R3HDM1: variants seen among roughly 807,000 people sequenced by gnomAD.
R3HDM1 encodes R3H domain-containing protein 1.
In R3HDM1, 46 loss-of-function variants were observed where a neutral mutation model predicts 141.1. The observed-to-expected ratio is 0.33, with a 90% CI of 0.26 to 0.42. R3HDM1 has a LOEUF of 0.42. R3HDM1 is among the 10% of genes least tolerant of loss of function. R3HDM1 has a pLI of 1.00. For missense variants in R3HDM1, 1,184 were observed against 1,368.3 expected (o/e 0.87, Z 2.12); for synonymous variants, 435 against 472.9 (o/e 0.92, Z 1.04).
chr2:135,699,919 A>G (rs1394688447), intron 21 of R3HDM1, among the ~76,000 whole-genome samples: 1 of 152,224 alleles, frequency 6.6e-6, no homozygotes, highest in Non-Finnish European at 1.5e-5. Context: ...GGCAACTTGA[A>G]CACAAAAAGT....
chr2:135,616,015 T>C lies in R3HDM1; in HGVS notation c.172-137T>C, dbSNP rs562286431. Reference sequence around the variant, plus strand: ...CTTCTGGGAGGAATCAGTACTCCTTTACTGAAACCAACTTTGATTTCCTCA... The same window carrying C: ...CTTCTGGGAGGAATCAGTACTCCTTCACTGAAACCAACTTTGATTTCCTCA... On this transcript the variant is annotated intron_variant, in intron 3 of 26. Transcript: ENST00000683871. The C allele has an allele frequency of 1.2e-5, 9 of 720,540 alleles. No homozygotes were observed. In the South Asian group the frequency reaches 1.8e-4, roughly 14 times the overall value. The allele number at this position is 720,540 out of a possible 1,614,324, so 44.6% of individuals were successfully genotyped here.
At position 135,721,954 on chromosome 2, in the gene R3HDM1, C is replaced by G. The variant is rs753528546; in HGVS notation, c.2912C>G (p.Pro971Arg). Residue 971 changes from proline to arginine, a missense_variant, in exon 25 of 27, where the codon CCA becomes CGA. Transcript: ENST00000683871. ...GDSRYPLLGQ[P>R]LQYNPPAVLH... ...TCCAGGTATCCATTACTTGGCCAGC[C>G]ACTGCAGTACAATCCTCCTGCTGTT... The G allele has an allele frequency of 1.9e-6, 3 of 1,613,832 alleles. No individual in the cohort carries two copies. The highest frequency in any genetic ancestry group is 2.5e-6 in the Non-Finnish European group (3 of 1,179,760).
chr2:135,702,462 C>A (rs2074353441), intron 21 of R3HDM1, among the ~76,000 whole-genome samples: 1 of 151,908 alleles, frequency 6.6e-6, no homozygotes, highest in Admixed American at 6.6e-5. Flanking sequence ...AGATCGAGAC[C>A]ATCCTGGCTA....
chr2:135,668,739 A>G (rs1198975575), intron 19 of R3HDM1, among the ~76,000 whole-genome samples: 1 of 152,218 alleles, frequency 6.6e-6, no homozygotes, highest in South Asian at 2.1e-4. Context: ...TGTCCAGGTT[A>G]AAGCTGGCAC....
At chr2:135,705,053 CA>C (rs2074729572) in intron 21 of R3HDM1, among the ~76,000 whole-genome samples, 1 of 152,108 alleles carries the variant, frequency 6.6e-6, no homozygotes, top group Non-Finnish European at 1.5e-5. Flanking sequence ...TACATTTTGC[CA>C]AAATCTTTGA....
At position 135,670,059 on chromosome 2, in the gene R3HDM1, G is replaced by T. The variant is rs1230991067; in HGVS notation, c.2153-5273G>T. Reference sequence around the variant, plus strand: ...GCAAGAGAAGCACTTGAACCCAGGGGGTTGAGGTGGCCATAAGCCGAGATT... The same window carrying T: ...GCAAGAGAAGCACTTGAACCCAGGGTGTTGAGGTGGCCATAAGCCGAGATT... On this transcript the variant is annotated intron_variant, in intron 19 of 26. Transcript: ENST00000683871. 2.6e-5 allele frequency among the ~76,000 whole-genome samples: 4 copies of T among 151,042 alleles called. 1 individual carries two copies. The highest frequency in any genetic ancestry group is 1.3e-4 in the Admixed American group (2 of 15,120).
rs1553630332 is a variant in R3HDM1, at chr2:135,699,075, T to TAGATAGATAGATAGA, written c.2460-10358_2460-10357insAGATAGATAGATAGA. Among the ~76,000 whole-genome samples the TAGATAGATAGATAGA allele has an allele frequency of 2.6e-3, 346 of 132,072 alleles. 9 individuals are homozygous for TAGATAGATAGATAGA. The highest frequency in any genetic ancestry group is 5.4e-3 in the African/African-American group (157 of 28,994). 86.6% of individuals were successfully genotyped at this position (132,072 alleles called of 152,430 possible). A position where few individuals can be genotyped will look rare whatever the true frequency, so the allele number is the denominator to read the frequency against. ...AGATAAGATAGATTGATTAGATAGA[T>TAGATAGATAGATAGA]TAGATAGATAGATAGATAGATAGAT... is the stretch of plus-strand genomic sequence containing the variant. On this transcript the variant is annotated intron_variant, in intron 21 of 26. Coordinates refer to ENST00000683871, the MANE Select transcript of R3HDM1 (RefSeq NM_001378107.1).
chr2:135,641,610 G>C lies in R3HDM1; in HGVS notation c.1294G>C (p.Ala432Pro), dbSNP rs755004442. 1.2e-5 allele frequency: 19 copies of C among 1,614,120 alleles called. No homozygotes were observed. The South Asian group carries it at 2.0e-4, about 17-fold the overall frequency. ...CATCCAGCAGCCTCTTCCAGGTACA[G>C]CTCTCAGCCAGTCTTCTCATGGCGC... Reference protein sequence around the residue: ...SHIQQPLPGTALSQSSHGAPV... With the variant: ...SHIQQPLPGTPLSQSSHGAPV... Residue 432 changes from alanine (A) to proline (P), a missense_variant, in exon 15 of 27, where the codon GCT becomes CCT. Physicochemically the swap from Ala to Pro is conservative, Grantham distance 27 (BLOSUM62 -1). Transcript: ENST00000683871.
At chr2:135,689,387 A>G (rs2071945480) in intron 21 of R3HDM1, among the ~76,000 whole-genome samples, 3 of 152,368 alleles carry the variant, frequency 2.0e-5, no homozygotes, top group Middle Eastern at 3.4e-3. Flanking sequence ...TGGAAAGTGT[A>G]TCTTAAACTC....
At chr2:135,680,990 T>G (rs1043458781) in intron 21 of R3HDM1, among the ~76,000 whole-genome samples, 13 of 152,174 alleles carry the variant, frequency 8.5e-5, no homozygotes, top group African/African-American at 3.1e-4. Context: ...GTGAAATATC[T>G]TGCTGGAATA....
chr2:135,583,585 T>C (rs994493536), intron 1 of R3HDM1, among the ~76,000 whole-genome samples: 5 of 152,228 alleles, frequency 3.3e-5, no homozygotes, highest in African/African-American at 1.2e-4. Context: ...AGTGATTACC[T>C]TAGTGGTTGC....
intron 4 of R3HDM1, 30 bp from the exon 5 acceptor site, chr2:135,616,638 G>A: frequency 6.6e-7 from 1 of 1,521,870 alleles, no homozygotes; most frequent in Admixed American, 1.8e-5. Flanking sequence ...TTTCTGAAAT[G>A]TAGTGTTAAT....
At chr2:135,614,643 C>A (rs56273548) in intron 3 of R3HDM1, among the ~76,000 whole-genome samples, 5,920 of 152,182 alleles carry the variant, frequency 0.039, 404 homozygotes, top group African/African-American at 0.14. Flanking sequence ...CAGTTAATGA[C>A]CCCTTTCCTT....
intron 6 of R3HDM1, 179 bp from the exon 7 acceptor site, chr2:135,622,475 T>C (rs1403670382): frequency 1.0e-6 from 1 of 984,000 alleles, no homozygotes; most frequent in Non-Finnish European, 1.2e-6. Flanking sequence ...TCATGCACAT[T>C]ATATGGGAAT....
chr2:135,636,123 A>G lies in R3HDM1; in HGVS notation c.843A>G (p.Lys281=). ...GTTTGAAAGATGACAGAAGAAGCAA[A>G]TCTATAGAAGAAAGAGAAGAAGAGT... The part of the protein sequence containing the change: ...RIRLKDDRRS[K]SIEEREEEYQ... The change falls in exon 11 of 27, where the codon AAA becomes AAG. Residue 281 remains lysine, a synonymous_variant. Coordinates refer to ENST00000683871, the MANE Select transcript of R3HDM1 (RefSeq NM_001378107.1). 6.2e-7 allele frequency: 1 copy of G among 1,613,080 alleles called. No individual in the cohort carries two copies. Among genetic ancestry groups the G allele is most frequent in the Non-Finnish European group, 8.5e-7 (1 of 1,179,526 alleles).
At chr2:135,630,472 A>G (rs1349135961) in intron 7 of R3HDM1, among the ~76,000 whole-genome samples, 1 of 152,126 alleles carries the variant, frequency 6.6e-6, no homozygotes, top group Admixed American at 6.5e-5. Flanking sequence ...TTTGGATTTG[A>G]AATCACCAAG....
At chr2:135,708,958 CAAA>C (rs374959932) in intron 21 of R3HDM1, among the ~76,000 whole-genome samples, 3 of 102,962 alleles carry the variant, frequency 2.9e-5, no homozygotes, top group African/African-American at 4.2e-5. Context: ...AACTCTGTCT[CAAA>C]AAAAAAAAAA....
At chr2:135,686,688 A>G (rs925406438) in intron 21 of R3HDM1, among the ~76,000 whole-genome samples, 7 of 152,136 alleles carry the variant, frequency 4.6e-5, no homozygotes, top group Admixed American at 1.3e-4. Context: ...ATAGTGAGCC[A>G]TGATTACGCC....
intron 14 of R3HDM1, 148 bp from the exon 15 acceptor site, chr2:135,641,388 A>G (rs2063777307): frequency 1.1e-6 from 1 of 911,602 alleles, no homozygotes; most frequent in African/African-American, 1.7e-5. Context: ...TGGGGAGGGT[A>G]AGCAAACGTG....
Sources: gnomAD v4.1 joint callset for allele counts (sites outside exome capture counted in the v4.1 genomes callset) on GRCh38, gnomAD v4.1.1 for gene constraint, MANE v1.5 for transcripts, NCBI Gene and HGNC (gene_info 2026-07-23, HGNC 2026-07-21) for gene names.